The following NDFIP2 variants were observed in gnomAD, a reference collection of about 807,000 sequenced individuals.
The protein encoded by NDFIP2 is Nedd4 family interacting protein 2.
A neutral mutation model predicts 36.0 loss-of-function variants in NDFIP2; 19 were observed. The ratio of observed to expected loss-of-function variants is 0.53; its 90% CI spans 0.37 to 0.77. NDFIP2 has a LOEUF of 0.77. Ranked by LOEUF, NDFIP2 falls within the 30% of genes least tolerant of loss-of-function variation. The pLI is 0.00. For missense variants in NDFIP2, 446 were observed against 435.8 expected, an observed-to-expected ratio of 1.02 and a Z score of -0.21; for synonymous variants, 181 against 167.7, an observed-to-expected ratio of 1.08 and a Z score of -0.61.
chr13:79,499,152 A>G (rs1454749172), intron 1 of NDFIP2, among the ~76,000 whole-genome samples: 1 of 151,990 alleles, frequency 6.6e-6, no homozygotes. Flanking sequence ...AAGAAAAATC[A>G]CATGACGTAT....
chr13:79,529,413 G>A (rs1874925249), intron 2 of NDFIP2, among the ~76,000 whole-genome samples: 1 of 151,914 alleles, frequency 6.6e-6, no homozygotes. Context: ...CATCTCCTTG[G>A]ATAATGTGTG....
chr13:79,502,802 C>T (rs1264923667), intron 1 of NDFIP2, among the ~76,000 whole-genome samples: 1 of 151,392 alleles, frequency 6.6e-6, no homozygotes, highest in Non-Finnish European at 1.5e-5. Flanking sequence ...TATTTCTTTT[C>T]AGGATGTTTA....
intron 1 of NDFIP2, among the ~76,000 whole-genome samples, chr13:79,506,595 A>G (rs1331386319): frequency 6.6e-6 from 1 of 152,140 alleles, no homozygotes; most frequent in East Asian, 1.9e-4. Flanking sequence ...TGTTAGGCTG[A>G]CATGTGTGTT....
intron 1 of NDFIP2, among the ~76,000 whole-genome samples, chr13:79,503,407 T>C (rs1243367324): frequency 6.6e-6 from 1 of 152,088 alleles, no homozygotes; most frequent in African/African-American, 2.4e-5. Context: ...GAGGGTGCAG[T>C]TGAAGGTCAT....
chr13:79,534,443 T>A (rs1875150726), intron 3 of NDFIP2, among the ~76,000 whole-genome samples: 1 of 149,842 alleles, frequency 6.7e-6, no homozygotes, highest in Non-Finnish European at 1.5e-5. Flanking sequence ...CATGTTTTAG[T>A]AATGGAGTTA....
At chr13:79,501,128 C>G (rs143402291) in intron 1 of NDFIP2, among the ~76,000 whole-genome samples, 1 of 152,068 alleles carries the variant, frequency 6.6e-6, no homozygotes, top group Admixed American at 6.6e-5. Context: ...ACTAAGGAGA[C>G]AGTAAAACGA....
chr13:79,488,637 A>G (rs754849082), intron 1 of NDFIP2, among the ~76,000 whole-genome samples: 6 of 152,312 alleles, frequency 3.9e-5, no homozygotes, highest in Admixed American at 1.3e-4. Flanking sequence ...TGATTATGAA[A>G]CAAATATCCT....
At chr13:79,540,884 T>A (rs1392095218) in intron 4 of NDFIP2, among the ~76,000 whole-genome samples, 1 of 152,202 alleles carries the variant, frequency 6.6e-6, no homozygotes, top group Non-Finnish European at 1.5e-5. Context: ...AAATCTTAAA[T>A]TGGTTTTAGT....
At chr13:79,532,426 G>T (rs1210349767) in intron 2 of NDFIP2, among the ~76,000 whole-genome samples, 3 of 152,162 alleles carry the variant, frequency 2.0e-5, no homozygotes, top group Non-Finnish European at 4.4e-5. Context: ...TTTTGTGTGT[G>T]TGTCAGTGAC....
intron 4 of NDFIP2, among the ~76,000 whole-genome samples, chr13:79,540,954 A>G (rs1875430282): frequency 6.6e-6 from 1 of 152,218 alleles, no homozygotes; most frequent in African/African-American, 2.4e-5. Context: ...GTGGTTACAA[A>G]TGAGTGCTGT....
At chr13:79,529,789 T>C (rs1156822109) in intron 2 of NDFIP2, among the ~76,000 whole-genome samples, 2 of 152,186 alleles carry the variant, frequency 1.3e-5, no homozygotes, top group Non-Finnish European at 2.9e-5. Flanking sequence ...ATGCAAGAAA[T>C]TCTGTTAGAC....
chr13:79,514,396 A>G (rs1007911144), intron 1 of NDFIP2, among the ~76,000 whole-genome samples: 22 of 152,200 alleles, frequency 1.4e-4, no homozygotes, highest in African/African-American at 5.3e-4. Context: ...CACAGTGTTC[A>G]GCAAGACAGA....
intron 5 of NDFIP2, among the ~76,000 whole-genome samples, chr13:79,545,922 G>A (rs1307438553): frequency 1.3e-5 from 2 of 152,162 alleles, no homozygotes; most frequent in Admixed American, 1.3e-4. Context: ...TTTTTGTAGA[G>A]ACAGGGTTTC....
chr13:79,499,448 C>T (rs558625337), intron 1 of NDFIP2, among the ~76,000 whole-genome samples: 1 of 151,956 alleles, frequency 6.6e-6, no homozygotes, highest in Admixed American at 6.6e-5. Context: ...TTTGTTTACA[C>T]AGGAGTTGAT....
chr13:79,497,826 G>GTA (rs1322460200), intron 1 of NDFIP2, among the ~76,000 whole-genome samples: 3 of 149,892 alleles, frequency 2.0e-5, no homozygotes, highest in African/African-American at 7.3e-5. Flanking sequence ...GTGTGTGTGT[G>GTA]TGTATGTGTG....
intron 1 of NDFIP2, among the ~76,000 whole-genome samples, chr13:79,496,691 G>C (rs1454791489): frequency 1.3e-5 from 2 of 151,552 alleles, no homozygotes; most frequent in East Asian, 3.9e-4. Context: ...CTTTTAAAGG[G>C]TTTAAACTCA....
chr13:79,490,183 T>A (rs996375085), intron 1 of NDFIP2, among the ~76,000 whole-genome samples: 1 of 152,120 alleles, frequency 6.6e-6, no homozygotes, highest in African/African-American at 2.4e-5. Context: ...GCCACAGGGT[T>A]CAACTGAGTG....
In NDFIP2 at chr13:79,482,169, C is replaced by CTTTTTTT. The variant is rs10558361; in HGVS notation, c.321+665_321+671dup. On this transcript the variant is annotated intron_variant, in intron 1 of 7. Coordinates refer to ENST00000218652, the MANE Select transcript of NDFIP2 (RefSeq NM_019080.3). ...CCACTTTTTCTTTCTTTCTTTCTTT[C>CTTTTTTT]TTTTTTTTTTTTTTTTTTTTTTTTT... Among the ~76,000 whole-genome samples, 77 of 75,884 alleles carry CTTTTTTT rather than the reference C, an allele frequency of 1.0e-3. 1 individual carries two copies. The highest frequency in any genetic ancestry group is 1.4e-3 in the African/African-American group (28 of 20,442). The allele number at this position is 75,884 out of a possible 152,430, so 49.8% of individuals were successfully genotyped here.
rs891878998 is a variant in NDFIP2 at position 79,554,605 on chromosome 13, A to G, written c.*2092A>G. 2.0e-5 allele frequency: 3 copies of G among 151,892 alleles called. No individual in the cohort carries two copies. Among genetic ancestry groups the G allele is most frequent in the Non-Finnish European group, 2.9e-5 (2 of 67,814 alleles). The allele number at this position is 151,892 out of a possible 1,614,324, so 9.4% of individuals were successfully genotyped here. On this transcript the variant is annotated 3_prime_UTR_variant, in exon 8 of 8. Transcript: ENST00000218652. ...TCTATAATTGGCATAATTCAATGGT[A>G]GCCTTAAATCTCATCATGTAAGCAG...
Sources: allele counts gnomAD v4.1 joint callset (sites outside exome capture counted in the v4.1 genomes callset), GRCh38; gene constraint gnomAD v4.1.1; transcripts MANE v1.5; gene names NCBI Gene and HGNC (gene_info 2026-07-23, HGNC 2026-07-21).